Variants in CMTR1 observed in about 807,000 individuals in gnomAD.
CMTR1 encodes the protein cap methyltransferase 1.
In CMTR1, 39 loss-of-function variants were observed where a neutral mutation model predicts 107.0. That is an observed-to-expected ratio of 0.36 (90% confidence interval 0.28 to 0.48). The LOEUF (loss-of-function observed/expected upper bound fraction) is 0.48. Ranked by LOEUF, CMTR1 falls within the 20% of genes least tolerant of loss-of-function variation. The probability of loss-of-function intolerance (pLI) is 0.99; values close to 1 mark genes in which losing one functional copy is unlikely to be tolerated. For synonymous variants in CMTR1, 366 were observed against 379.5 expected (o/e 0.96, Z 0.41); for missense variants, 672 against 1,064.9 (o/e 0.63, Z 5.14).
Position 37,480,932 on chromosome 6 carries a change from AC to A in CMTR1, c.*790del. ...TAGATGGCAGGAAGCAGCCTTGAAG[AC>A]CCGTCTTTCCCCCACAGCAGCAGGG... On this transcript the variant is annotated 3_prime_UTR_variant, in exon 24 of 24. Transcript: ENST00000373451. The A allele has an allele frequency of 1.1e-5, 14 of 1,225,214 alleles. No homozygotes were observed. The highest frequency in any genetic ancestry group is 1.2e-5 in the Non-Finnish European group (12 of 960,414). The allele number at this position is 1,225,214 out of a possible 1,614,324, so 75.9% of individuals were successfully genotyped here.
At chr6:37,443,376 T>C (rs184274247) in intron 2 of CMTR1, among the ~76,000 whole-genome samples, 1 of 151,274 alleles carries the variant, frequency 6.6e-6, no homozygotes, top group African/African-American at 2.4e-5. Flanking sequence ...TTTTTTGAGA[T>C]GGAGTCTCAC....
chr6:37,465,772 G>A (rs1317703894), intron 13 of CMTR1, among the ~76,000 whole-genome samples: 1 of 152,140 alleles, frequency 6.6e-6, no homozygotes, highest in African/African-American at 2.4e-5. Context: ...TGGGATTTCA[G>A]GCATGAGCCA....
Position 37,462,121 on chromosome 6 carries a change from T to C in CMTR1, c.1325+19T>C, listed in dbSNP as rs750537797. 6.2e-7 allele frequency: 1 copy of C among 1,614,054 alleles called. No individual in the cohort carries two copies. The highest frequency in any genetic ancestry group is 8.5e-7 in the Non-Finnish European group (1 of 1,179,934). ...CAGAGAGGTGAAGCCTTTCTCTCTA[T>C]ATTAGCCAGATTAATTGGCTAAATG... On this transcript the variant is annotated intron_variant, in intron 12 of 23. Coordinates refer to ENST00000373451, the MANE Select transcript of CMTR1 (RefSeq NM_015050.3).
intron 8 of CMTR1, among the ~76,000 whole-genome samples, chr6:37,457,134 T>G (rs1253689183): frequency 3.3e-5 from 5 of 150,898 alleles, no homozygotes; most frequent in African/African-American, 1.2e-4. Context: ...GAAAGAGGAT[T>G]GCCTGAGCTC....
At chr6:37,427,105 G>A in the CMTR1 span, among the ~76,000 whole-genome samples, 20 of 152,286 alleles carry the variant, frequency 1.3e-4, no homozygotes, top group East Asian at 5.8e-4. This position sits in a 1 kb window ranked among gnomAD's most constrained non-coding sequence, Gnocchi z 4.4. Context: ...ATGGCTGAGT[G>A]GTGGTGGATG....
chr6:37,452,619 G>A (rs1761204742), intron 6 of CMTR1, among the ~76,000 whole-genome samples: 1 of 152,164 alleles, frequency 6.6e-6, no homozygotes, highest in Admixed American at 6.5e-5. Flanking sequence ...CTGTGTGGTA[G>A]GTGCCATCAG....
rs928162673 is a variant in CMTR1 at position 37,481,276 on chromosome 6, A to C, written c.*1131A>C. 1.6e-6 allele frequency: 2 copies of C among 1,258,500 alleles called. No homozygotes were observed. The highest frequency in any genetic ancestry group is 1.0e-6 in the Non-Finnish European group (1 of 971,954). The allele number at this position is 1,258,500 out of a possible 1,614,324, so 78.0% of individuals were successfully genotyped here. A position where few individuals can be genotyped will look rare whatever the true frequency, so the allele number is the denominator to read the frequency against. ...TGGGAAATACCTCTCAGAGATGTTC[A>C]TGCAGGCTCCCTAGGGCCCCATCCC... On this transcript the variant is annotated 3_prime_UTR_variant, in exon 24 of 24. Transcript: ENST00000373451.
intron 5 of CMTR1, among the ~76,000 whole-genome samples, chr6:37,450,571 C>G (rs1049592261): frequency 1.3e-5 from 2 of 152,136 alleles, no homozygotes; most frequent in Non-Finnish European, 2.9e-5. Flanking sequence ...AATTGTAAGG[C>G]AGATAAAATG....
chr6:37,463,135 C>G, intron 13 of CMTR1, 127 bp downstream of exon 13: 1 of 976,490 alleles, frequency 1.0e-6, no homozygotes, highest in Non-Finnish European at 1.6e-6. Context: ...TGGGTTTGGT[C>G]TGCTGGTTTC....
intron 10 of CMTR1, among the ~76,000 whole-genome samples, chr6:37,460,722 C>A (rs1761386481): frequency 6.6e-6 from 1 of 152,100 alleles, no homozygotes; most frequent in South Asian, 2.1e-4. Flanking sequence ...GTAAAAAACA[C>A]AAATTTGATC....
chr6:37,481,129 A>C lies in CMTR1; in HGVS notation c.*984A>C. On this transcript the variant is annotated 3_prime_UTR_variant, in exon 24 of 24. Transcript: ENST00000373451. Reference sequence around the variant, plus strand: ...TTTTTCTTCCCTAATAGGAGGTACAATCTGCTTTTGTTTGTCGTTAAGTGG... The same window carrying C: ...TTTTTCTTCCCTAATAGGAGGTACACTCTGCTTTTGTTTGTCGTTAAGTGG... The C allele has an allele frequency of 1.5e-6, 2 of 1,302,466 alleles. No individual in the cohort carries two copies. Among genetic ancestry groups the C allele is most frequent in the African/African-American group, 1.5e-5 (1 of 65,154 alleles). The allele number at this position is 1,302,466 out of a possible 1,614,324, so 80.7% of individuals were successfully genotyped here.
chr6:37,479,517 C>CGT (rs1761812785), intron 23 of CMTR1, among the ~76,000 whole-genome samples: 1 of 152,232 alleles, frequency 6.6e-6, no homozygotes, highest in African/African-American at 2.4e-5. Flanking sequence ...ATCTGGGCAG[C>CGT]GTATCCACCC....
intron 5 of CMTR1, among the ~76,000 whole-genome samples, 168 bp from the exon 6 acceptor site, chr6:37,451,638 G>A (rs1020211647): frequency 3.3e-5 from 5 of 152,164 alleles, no homozygotes; most frequent in Non-Finnish European, 4.4e-5. Flanking sequence ...CTGGAGAATA[G>A]CCAGAGGGAT....
chr6:37,456,246 C>T (rs1761292372), intron 8 of CMTR1, among the ~76,000 whole-genome samples: 2 of 152,168 alleles, frequency 1.3e-5, no homozygotes, highest in African/African-American at 4.8e-5. Flanking sequence ...CATGCTGACT[C>T]GAAGATGCTA....
intron 22 of CMTR1, 36 bp downstream of exon 22, chr6:37,478,557 C>T: frequency 6.6e-7 from 1 of 1,516,716 alleles, no homozygotes; most frequent in Non-Finnish European, 9.2e-7. Flanking sequence ...CATCCCCTCC[C>T]CTCTCCCCTC....
intron 13 of CMTR1, 67 bp from the exon 14 acceptor site, chr6:37,470,954 C>T (rs1761611573): frequency 7.2e-7 from 1 of 1,387,750 alleles, no homozygotes. Context: ...TTTAACCTCT[C>T]TGTCCTGATG....
At chr6:37,478,166 A>G (rs1581756582) in intron 21 of CMTR1, among the ~76,000 whole-genome samples, 1 of 151,946 alleles carries the variant, frequency 6.6e-6, no homozygotes, top group Non-Finnish European at 1.5e-5. Flanking sequence ...TCACCCTGAA[A>G]TCCCTCAAGC....
intron 11 of CMTR1, 115 bp downstream of exon 11, chr6:37,461,760 C>A: frequency 1.2e-6 from 1 of 843,446 alleles, no homozygotes; most frequent in East Asian, 2.5e-5. Context: ...TATTAGAGGA[C>A]AGGTAGCTAA....
chr6:37,444,635 A>G (rs1372479125), intron 3 of CMTR1, among the ~76,000 whole-genome samples: 1 of 152,210 alleles, frequency 6.6e-6, no homozygotes, highest in Non-Finnish European at 1.5e-5. Flanking sequence ...TTGATGTATC[A>G]CAAGAAGAAT....
Sources: allele counts gnomAD v4.1 joint callset (sites outside exome capture counted in the v4.1 genomes callset), GRCh38; gene constraint gnomAD v4.1.1; non-coding constraint Gnocchi (gnomAD v3.1); transcripts MANE v1.5; gene names NCBI Gene and HGNC (gene_info 2026-07-23, HGNC 2026-07-21).